SNX10: variants seen among roughly 807,000 people sequenced by gnomAD.
SNX10 encodes sorting nexin-10.
In SNX10, 25 loss-of-function variants were observed where a neutral mutation model predicts 28.5. The observed-to-expected ratio is 0.88, with a 90% CI of 0.64 to 1.22. The LOEUF (loss-of-function observed/expected upper bound fraction) is 1.22, where lower values mean the gene tolerates loss of function less well. Among genes scored for constraint, SNX10 ranks in the 50% most tolerant of loss-of-function variants. The pLI, the probability that SNX10 is intolerant of heterozygous loss-of-function variation, is 0.00. For missense variants in SNX10, 223 were observed against 242.6 expected (o/e 0.92, Z 0.54); for synonymous variants, 62 against 81.4 (o/e 0.76, Z 1.28).
At chr7:26,324,100 G>T (rs562406563) in intron 1 of SNX10, among the ~76,000 whole-genome samples, 1 of 152,254 alleles carries the variant, frequency 6.6e-6, no homozygotes. Context: ...TCTTTAAAAT[G>T]ATCCTGAAGC....
At chr7:26,326,827 A>G (rs1175577178) in intron 1 of SNX10, among the ~76,000 whole-genome samples, 2 of 152,118 alleles carry the variant, frequency 1.3e-5, no homozygotes, top group East Asian at 1.9e-4. Flanking sequence ...CAGCCTCCCA[A>G]AGTTCTGGGA....
chr7:26,342,407 G>A (rs1432274821), intron 1 of SNX10, among the ~76,000 whole-genome samples: 3 of 152,126 alleles, frequency 2.0e-5, no homozygotes, highest in Non-Finnish European at 4.4e-5. Context: ...ATACAATTGC[G>A]CTGTCATTGA....
chr7:26,360,869 G>C, intron 2 of SNX10, 106 bp from the exon 3 acceptor site: 1 of 1,540,980 alleles, frequency 6.5e-7, no homozygotes, highest in Non-Finnish European at 8.7e-7. Flanking sequence ...TACCACATTG[G>C]TTAAAGCTCA....
At chr7:26,341,052 C>G (rs868720410) in intron 1 of SNX10, among the ~76,000 whole-genome samples, 2 of 152,146 alleles carry the variant, frequency 1.3e-5, no homozygotes, top group East Asian at 3.9e-4. Flanking sequence ...TTATTGAGCA[C>G]TTTGGGAGGC....
rs563372465 is a variant in SNX10, at chr7:26,342,448, G to A, written c.-23-3972G>A. Among the ~76,000 whole-genome samples the A allele has an allele frequency of 2.6e-5, 4 of 152,306 alleles. No homozygotes were observed. In the East Asian group the frequency reaches 7.7e-4, roughly 29 times the overall value. Reference sequence around the variant, plus strand: ...CTTCTCCCCACCAGTAAATGCCATGGCAAGTTCTAGTACCAAATGATACTT... The same window carrying A: ...CTTCTCCCCACCAGTAAATGCCATGACAAGTTCTAGTACCAAATGATACTT... On this transcript the variant is annotated intron_variant, in intron 1 of 6. Transcript: ENST00000338523.
At position 26,311,842 on chromosome 7, in the gene SNX10, T is replaced by C. The variant is rs564351780; in HGVS notation, c.-24+19756T>C. On this transcript the variant is annotated intron_variant, in intron 1 of 6. Coordinates refer to ENST00000338523, the MANE Select transcript of SNX10 (RefSeq NM_013322.3). ...TTTTGAAATTGTATGAACAAGACTT[T>C]GGAGACATCCTTTAAGATTTTCACG... Among the ~76,000 whole-genome samples, 284 of 140,410 alleles carry C rather than the reference T, an allele frequency of 2.0e-3. 3 individuals carry two copies. The highest frequency in any genetic ancestry group is 8.2e-3 in the African/African-American group (265 of 32,286). 92.1% of individuals were successfully genotyped at this position (140,410 alleles called of 152,430 possible).
At chr7:26,330,538 G>A (rs927820626) in intron 1 of SNX10, among the ~76,000 whole-genome samples, 13 of 152,208 alleles carry the variant, frequency 8.5e-5, no homozygotes, top group Middle Eastern at 3.4e-3. Flanking sequence ...GGCATTTGCA[G>A]CCCTGGCATG....
At chr7:26,369,019 A>T (rs1231818371) in intron 5 of SNX10, among the ~76,000 whole-genome samples, 1 of 152,188 alleles carries the variant, frequency 6.6e-6, no homozygotes, top group African/African-American at 2.4e-5. Context: ...TGTGCTTTTC[A>T]ACTGTGTCCA....
rs1562820835 is a variant in SNX10 at position 26,364,908 on chromosome 7, A to G, written c.213-139A>G. On this transcript the variant is annotated intron_variant, in intron 4 of 6. Transcript: ENST00000338523. This position sits in a 1 kb window ranked among gnomAD's most constrained non-coding sequence, Gnocchi z 4.9. ...TTCCTGATACCCTTATTATATAACTATATAATGTATAATCATAATTATAGA... is the reference window on the plus strand; with the variant it reads ...TTCCTGATACCCTTATTATATAACTGTATAATGTATAATCATAATTATAGA... 9.8e-6 allele frequency: 6 copies of G among 614,936 alleles called. No homozygotes were observed. Among genetic ancestry groups the G allele is most frequent in the East Asian group, 2.8e-5 (1 of 36,296 alleles). The allele number at this position is 614,936 out of a possible 1,614,324, so 38.1% of individuals were successfully genotyped here. A position where few individuals can be genotyped will look rare whatever the true frequency, so the allele number is the denominator to read the frequency against.
chr7:26,365,981 T>A (rs1426480642), intron 5 of SNX10, among the ~76,000 whole-genome samples: 1 of 152,212 alleles, frequency 6.6e-6, no homozygotes, highest in Non-Finnish European at 1.5e-5. Flanking sequence ...AAAGCACTCA[T>A]GACAGTGTCT....
intron 3 of SNX10, among the ~76,000 whole-genome samples, chr7:26,363,247 T>G (rs1455744793): frequency 6.6e-6 from 1 of 152,146 alleles, no homozygotes; most frequent in Non-Finnish European, 1.5e-5. Flanking sequence ...GTGGCTACCT[T>G]GGGGATAAGC....
rs138815644 is a variant in SNX10 at position 26,297,681 on chromosome 7, G to A, written c.-24+5595G>A. On this transcript the variant is annotated intron_variant, in intron 1 of 6. Coordinates refer to ENST00000338523, the MANE Select transcript of SNX10 (RefSeq NM_013322.3). ...CTCTGCAGGAAACAGATTTTTCAGGGCCTTCCATACCTGCCCCTTTGTTTG... is the reference window on the plus strand; with the variant it reads ...CTCTGCAGGAAACAGATTTTTCAGGACCTTCCATACCTGCCCCTTTGTTTG... Among the ~76,000 whole-genome samples the A allele has an allele frequency of 4.1e-3, 622 of 151,970 alleles. 4 individuals are homozygous for A. The highest frequency in any genetic ancestry group is 0.014 in the African/African-American group (600 of 41,436).
intron 1 of SNX10, among the ~76,000 whole-genome samples, chr7:26,328,068 A>G (rs898118390): frequency 6.6e-6 from 1 of 151,988 alleles, no homozygotes; most frequent in African/African-American, 2.4e-5. Context: ...TTACTGAACC[A>G]CTTGCTAAGT....
At chr7:26,305,644 C>G (rs1484607063) in intron 1 of SNX10, among the ~76,000 whole-genome samples, 1 of 152,196 alleles carries the variant, frequency 6.6e-6, no homozygotes, top group Non-Finnish European at 1.5e-5. Flanking sequence ...ACACAGGAAA[C>G]TTCCTATGTT....
chr7:26,312,780 TCTC>T (rs1786900623), intron 1 of SNX10, among the ~76,000 whole-genome samples: 1 of 151,930 alleles, frequency 6.6e-6, no homozygotes, highest in Admixed American at 6.6e-5. Flanking sequence ...TGAGACTCCG[TCTC>T]AAAAAAAAGA....
In SNX10 at chr7:26,360,028, A is replaced by G. The variant is rs139558605; in HGVS notation, c.25-947A>G. Among the ~76,000 whole-genome samples the G allele has an allele frequency of 4.2e-3, 636 of 152,364 alleles. 5 individuals carry two copies. Among genetic ancestry groups the G allele is most frequent in the South Asian group, 8.1e-3 (39 of 4,834 alleles). On this transcript the variant is annotated intron_variant, in intron 2 of 6. Coordinates refer to ENST00000338523, the MANE Select transcript of SNX10 (RefSeq NM_013322.3). ...AAAAGAACAAAATTATCTACTGTAT[A>G]TGATTTTTAATATCCCTAACTTCTA...
chr7:26,336,924 C>T (rs1787966893), intron 1 of SNX10, among the ~76,000 whole-genome samples: 1 of 152,124 alleles, frequency 6.6e-6, no homozygotes, highest in Non-Finnish European at 1.5e-5. Flanking sequence ...ATATTTTGCA[C>T]ATGTAGCACT....
At chr7:26,308,229 C>T (rs1584097279) in intron 1 of SNX10, among the ~76,000 whole-genome samples, 1 of 152,308 alleles carries the variant, frequency 6.6e-6, no homozygotes, top group East Asian at 1.9e-4. Flanking sequence ...TCAACCTGCT[C>T]CTTTTTCTCC....
rs141703387 is a variant in SNX10 at position 26,353,472 on chromosome 7, A to T, written c.24+7006A>T. ...TTTTTTTTTTTTTTGGTGGGGAGACAGAGTCTTGGTCTGTCGGCCAGGCTG... is the reference window on the plus strand; with the variant it reads ...TTTTTTTTTTTTTTGGTGGGGAGACTGAGTCTTGGTCTGTCGGCCAGGCTG... On this transcript the variant is annotated intron_variant, in intron 2 of 6. Coordinates refer to ENST00000338523, the MANE Select transcript of SNX10 (RefSeq NM_013322.3). Among the ~76,000 whole-genome samples, 279 of 116,564 alleles carry T rather than the reference A, an allele frequency of 2.4e-3. 7 individuals carry two copies. Among genetic ancestry groups the T allele is most frequent in the Non-Finnish European group, 3.9e-3 (224 of 57,172 alleles). 76.5% of individuals were successfully genotyped at this position (116,564 alleles called of 152,430 possible). A position where few individuals can be genotyped will look rare whatever the true frequency, so the allele number is the denominator to read the frequency against.
Sources: allele counts gnomAD v4.1 joint callset (sites outside exome capture counted in the v4.1 genomes callset), GRCh38; gene constraint gnomAD v4.1.1; non-coding constraint Gnocchi (gnomAD v3.1); transcripts MANE v1.5; gene names NCBI Gene and HGNC (gene_info 2026-07-23, HGNC 2026-07-21).